Variants in AHCTF1 observed in about 807,000 individuals in gnomAD.
The protein encoded by AHCTF1 is protein ELYS.
Under a neutral mutation model 248.4 loss-of-function variants are expected in AHCTF1, and 24 were observed. The observed-to-expected ratio is 0.10, with a 90% CI of 0.07 to 0.14. The LOEUF is 0.14. Among genes scored for constraint, AHCTF1 ranks in the 10% least tolerant of loss-of-function variants. AHCTF1 has a pLI of 1.00. For missense variants in AHCTF1, 2,206 were observed against 2,636.2 expected (o/e 0.84, Z 3.57); for synonymous variants, 786 against 929.8 (o/e 0.85, Z 2.81).
intron 17 of AHCTF1, 147 bp from the exon 18 acceptor site, chr1:246,888,664 T>A: frequency 1.9e-6 from 2 of 1,050,442 alleles, no homozygotes; most frequent in Non-Finnish European, 2.7e-6. Context: ...ATCCCAGTGA[T>A]TTGGGAGGCC....
chr1:246,857,498 T>TC (rs775418333), intron 30 of AHCTF1, among the ~76,000 whole-genome samples, 193 bp downstream of exon 30: 3 of 152,194 alleles, frequency 2.0e-5, no homozygotes, highest in Non-Finnish European at 4.4e-5. Flanking sequence ...TCTGTATATT[T>TC]CCGAAACTTT....
chr1:246,879,751 C>T (rs1663255216), intron 21 of AHCTF1, among the ~76,000 whole-genome samples: 1 of 151,952 alleles, frequency 6.6e-6, no homozygotes, highest in Admixed American at 6.6e-5. Context: ...TCGGCTTGAA[C>T]CCAGGAGGCA....
At position 246,849,820 on chromosome 1, in the gene AHCTF1, G is replaced by A. The variant is rs745308809; in HGVS notation, c.6186C>T (p.His2062=). ...CATCTGTGCGTTCTTCTGATACTGA[G>A]TGCAATGAACGTTTTTGGCTTTGAC... is the stretch of plus-strand genomic sequence containing the variant. ...TESQSQKRSL[H]SVSEERTDEM... Residue 2062 remains histidine, a synonymous_variant, in exon 33 of 36, where the codon CAC becomes CAT. Coordinates refer to ENST00000648844, the MANE Select transcript of AHCTF1 (RefSeq NM_001323342.2). 7 of 1,613,964 alleles carry A rather than the reference G, an allele frequency of 4.3e-6. No individual in the cohort carries two copies. The Admixed American group carries it at 1.0e-4, about 23-fold the overall frequency.
intron 1 of AHCTF1, among the ~76,000 whole-genome samples, chr1:246,923,997 A>C (rs1474115836): frequency 6.6e-6 from 1 of 151,582 alleles, no homozygotes; most frequent in Non-Finnish European, 1.5e-5. Context: ...AAGGCGTAGA[A>C]TATAAATCTG....
At chr1:246,872,704 T>C (rs778422886) in intron 24 of AHCTF1, among the ~76,000 whole-genome samples, 2 of 152,300 alleles carry the variant, frequency 1.3e-5, no homozygotes, top group South Asian at 4.1e-4. Flanking sequence ...CATCGCACTA[T>C]CATGGGTGCT....
intron 24 of AHCTF1, among the ~76,000 whole-genome samples, chr1:246,868,735 A>G (rs75244123): frequency 0.014 from 2,060 of 151,426 alleles, 61 homozygotes; most frequent in African/African-American, 0.048. Flanking sequence ...CTTCTAAGAA[A>G]GGCTTACATT....
At chr1:246,906,593 G>GA (rs1036657029) in intron 5 of AHCTF1, among the ~76,000 whole-genome samples, 8 of 150,916 alleles carry the variant, frequency 5.3e-5, no homozygotes, top group South Asian at 2.1e-4. Flanking sequence ...CAAAAAAATA[G>GA]AAAAAAAAGA....
intron 24 of AHCTF1, among the ~76,000 whole-genome samples, chr1:246,871,671 TC>T (rs1479331872): frequency 6.6e-6 from 1 of 152,120 alleles, no homozygotes; most frequent in African/African-American, 2.4e-5. Context: ...CTCCACAGAC[TC>T]TAAGTATGCT....
chr1:246,853,355 C>G (rs1660859038), intron 31 of AHCTF1, 56 bp from the exon 32 acceptor site: 2 of 1,416,710 alleles, frequency 1.4e-6, no homozygotes, highest in East Asian at 4.8e-5. Context: ...AATCCACACA[C>G]AAGGAAGCAA....
chr1:246,858,860 T>C (rs1389913660), intron 29 of AHCTF1, among the ~76,000 whole-genome samples: 2 of 151,598 alleles, frequency 1.3e-5, no homozygotes, highest in Admixed American at 1.3e-4. Context: ...GTAAGAATAA[T>C]CAGTGAAGAT....
Position 246,891,904 on chromosome 1 carries a change from T to A in AHCTF1, c.1820A>T (p.Asp607Val). The change falls in exon 15 of 36, where the codon GAT becomes GTT. Residue 607 changes from aspartate (D) to valine (V), a missense_variant. Physicochemically the swap from Asp to Val is radical, Grantham distance 152. Around this residue, in one of 6 missense-constraint regions of AHCTF1, gnomAD observed 650 missense variants for 870.8 expected, o/e 0.75. Transcript: ENST00000648844. ...TGGATCCATGAAATGACACGAACCA[T>A]CAAATAATGGCACACCTTTCAAGAA... Reference protein sequence around the residue: ...EFDRLCVPLFDGSCHFMDPQT... With the variant: ...EFDRLCVPLFVGSCHFMDPQT... 1 of 1,595,892 alleles carries A rather than the reference T, an allele frequency of 6.3e-7. No individual in the cohort carries two copies.
chr1:246,883,323 C>G (rs1663590655), intron 21 of AHCTF1, among the ~76,000 whole-genome samples: 1 of 152,182 alleles, frequency 6.6e-6, no homozygotes, highest in African/African-American at 2.4e-5. Flanking sequence ...CAAGGATATA[C>G]TGATTAAACA....
chr1:246,889,231 A>G (rs1664039688), intron 17 of AHCTF1, among the ~76,000 whole-genome samples: 2 of 152,266 alleles, frequency 1.3e-5, no homozygotes, highest in South Asian at 4.1e-4. Context: ...AGTGCCTATG[A>G]TGCAACGTGC....
rs1445568525 is a variant in AHCTF1, at chr1:246,868,340, T to TG, written c.3089-530dup. 7.6e-5 allele frequency among the ~76,000 whole-genome samples: 11 copies of TG among 143,908 alleles called. No homozygotes were observed. In the East Asian group the frequency reaches 1.7e-3, roughly 23 times the overall value. The allele number at this position is 143,908 out of a possible 152,430, so 94.4% of individuals were successfully genotyped here. A position where few individuals can be genotyped will look rare whatever the true frequency, so the allele number is the denominator to read the frequency against. ...TTCACCATGTTGGCCAGGCTGGTCT[T>TG]GAACTCCTGACCTCATGTGATCCAC... is the stretch of plus-strand genomic sequence containing the variant. On this transcript the variant is annotated intron_variant, in intron 24 of 35. Coordinates refer to ENST00000648844, the MANE Select transcript of AHCTF1 (RefSeq NM_001323342.2).
In AHCTF1 at chr1:246,902,509, A is replaced by C; in HGVS notation, c.1117+16T>G. ...ATCCAGCCTTCACATGACATATTTC[A>C]AGTACTTTAACTAACCTTCATTCAC... On this transcript the variant is annotated intron_variant, in intron 8 of 35. Coordinates refer to ENST00000648844, the MANE Select transcript of AHCTF1 (RefSeq NM_001323342.2). The C allele has an allele frequency of 6.2e-7, 1 of 1,601,196 alleles. No homozygotes were observed. Among genetic ancestry groups the C allele is most frequent in the Non-Finnish European group, 8.5e-7 (1 of 1,173,200 alleles).
At chr1:246,892,944 T>A (rs1664322040) in intron 14 of AHCTF1, among the ~76,000 whole-genome samples, 1 of 152,052 alleles carries the variant, frequency 6.6e-6, no homozygotes, top group South Asian at 2.1e-4. Flanking sequence ...CCACACCTAA[T>A]CTCTAATACT....
intron 24 of AHCTF1, among the ~76,000 whole-genome samples, chr1:246,875,725 G>C (rs1662892005): frequency 6.6e-6 from 1 of 152,204 alleles, no homozygotes; most frequent in Non-Finnish European, 1.5e-5. Context: ...AGAAGGCTCA[G>C]ATGATCCTTA....
rs767227682 is a variant in AHCTF1, at chr1:246,898,378, T to C, written c.1495-42A>G. 30 of 1,554,536 alleles carry C rather than the reference T, an allele frequency of 1.9e-5. No individual in the cohort carries two copies. The Middle Eastern group carries it at 7.2e-4, about 37-fold the overall frequency. ...AGTAAGGCATCAATCAATGCTCAAT[T>C]TGAATAATCAAATTTAAGATTAATT... On this transcript the variant is annotated intron_variant, in intron 11 of 35. Coordinates refer to ENST00000648844, the MANE Select transcript of AHCTF1 (RefSeq NM_001323342.2).
In AHCTF1 at chr1:246,860,580, T is replaced by C. The variant is rs1661464971; in HGVS notation, c.4132+319A>G. Among the ~76,000 whole-genome samples the C allele has an allele frequency of 2.0e-5, 3 of 152,206 alleles. No homozygotes were observed. In the South Asian group the frequency reaches 6.2e-4, roughly 31 times the overall value. On this transcript the variant is annotated intron_variant, in intron 29 of 35. Coordinates refer to ENST00000648844, the MANE Select transcript of AHCTF1 (RefSeq NM_001323342.2). Reference sequence around the variant, plus strand: ...CATGCTTTCCTTCTGAGATAGGGTCTTGCTCTGTCACGCAGGCTAAAGTAC... The same window carrying C: ...CATGCTTTCCTTCTGAGATAGGGTCCTGCTCTGTCACGCAGGCTAAAGTAC...
Sources: allele counts gnomAD v4.1 joint callset (sites outside exome capture counted in the v4.1 genomes callset), GRCh38; gene constraint gnomAD v4.1.1; regional missense constraint gnomAD v4.1.1; transcripts MANE v1.5; gene names NCBI Gene and HGNC (gene_info 2026-07-23, HGNC 2026-07-21).